The following THSD4 variants were observed in gnomAD, a reference collection of about 807,000 sequenced individuals.
THSD4 encodes thrombospondin type-1 domain-containing protein 4.
A neutral mutation model predicts 119.0 loss-of-function variants in THSD4; 69 were observed. That is an observed-to-expected ratio of 0.58 (90% confidence interval 0.48 to 0.71). THSD4 has a LOEUF of 0.71. THSD4 is among the 30% of genes least tolerant of loss of function. The pLI is 0.00. For missense variants in THSD4, 1,393 were observed against 1,391.1 expected, an observed-to-expected ratio of 1.00 and a Z score of -0.02; for synonymous variants, 524 against 540.4, an observed-to-expected ratio of 0.97 and a Z score of 0.42.
chr15:71,203,953 A>G (rs1416971877), intron 3 of THSD4, among the ~76,000 whole-genome samples: 1 of 152,178 alleles, frequency 6.6e-6, no homozygotes, highest in Non-Finnish European at 1.5e-5. Context: ...TTCTGCTAGA[A>G]GATTGCTGTT....
intron 6 of THSD4, among the ~76,000 whole-genome samples, chr15:71,271,734 C>G (rs80150816): frequency 1.2e-3 from 181 of 152,302 alleles, no homozygotes; most frequent in African/African-American, 4.2e-3. Context: ...CTGAAGGAGA[C>G]TTTTAGAGCT....
intron 7 of THSD4, among the ~76,000 whole-genome samples, chr15:71,579,397 A>G (rs976424659): frequency 6.6e-6 from 1 of 152,202 alleles, no homozygotes; most frequent in African/African-American, 2.4e-5. Context: ...TGCGTAGCAG[A>G]AGCCTATGGA....
chr15:71,546,511 C>T (rs1219714378), intron 7 of THSD4, among the ~76,000 whole-genome samples: 6 of 152,224 alleles, frequency 3.9e-5, no homozygotes. Flanking sequence ...TCAGAGGTAG[C>T]TCTTATTTCT....
intron 6 of THSD4, among the ~76,000 whole-genome samples, chr15:71,305,505 C>T (rs2045011850): frequency 6.6e-6 from 1 of 152,164 alleles, no homozygotes; most frequent in South Asian, 2.1e-4. Context: ...GAGCCAGACA[C>T]ATACAAGTTC....
At chr15:71,536,300 G>A (rs867736794) in intron 7 of THSD4, among the ~76,000 whole-genome samples, 1 of 152,244 alleles carries the variant, frequency 6.6e-6, no homozygotes, top group Admixed American at 6.5e-5. Flanking sequence ...TGGTTCCCAG[G>A]TCCCCTTCAT....
At chr15:71,149,914 A>G (rs1019790986) in intron 2 of THSD4, among the ~76,000 whole-genome samples, 6 of 152,296 alleles carry the variant, frequency 3.9e-5, no homozygotes, top group East Asian at 1.9e-4. Context: ...CCAAATTTCA[A>G]TGAGCATTAT....
At chr15:71,345,664 A>G (rs1443702222) in intron 6 of THSD4, among the ~76,000 whole-genome samples, 5 of 152,070 alleles carry the variant, frequency 3.3e-5, no homozygotes, top group South Asian at 4.2e-4. Flanking sequence ...GTGAATGTCT[A>G]TGTCAGGTGG....
chr15:71,122,520 G>C lies in THSD4; in HGVS notation c.-80+6822G>C, dbSNP rs114999383. ...CTCTTACAGGATGCTCTGTCTTCTTGGCCTCTTTCACATGAGCGCATATAC... is the reference window on the plus strand; with the variant it reads ...CTCTTACAGGATGCTCTGTCTTCTTCGCCTCTTTCACATGAGCGCATATAC... On this transcript the variant is annotated intron_variant, in intron 1 of 17. Transcript: ENST00000261862. Among the ~76,000 whole-genome samples, 141 of 152,246 alleles carry C rather than the reference G, an allele frequency of 9.3e-4. 1 individual carries two copies. Among genetic ancestry groups the C allele is most frequent in the African/African-American group, 3.3e-3 (137 of 41,538 alleles).
intron 6 of THSD4, chr15:71,342,192 T>G (rs1393993682): frequency 5.5e-6 from 1 of 182,520 alleles, no homozygotes; most frequent in African/African-American, 2.4e-5. Context: ...CTAAATCCCA[T>G]TTATTTCCTG....
At chr15:71,716,194 T>C (rs2052604279) in intron 8 of THSD4, among the ~76,000 whole-genome samples, 1 of 152,202 alleles carries the variant, frequency 6.6e-6, no homozygotes, top group Admixed American at 6.5e-5. Flanking sequence ...TCACATGGCA[T>C]TCTCACTGTG....
intron 6 of THSD4, among the ~76,000 whole-genome samples, chr15:71,377,941 C>A (rs2046171944): frequency 6.8e-6 from 1 of 147,520 alleles, no homozygotes; most frequent in African/African-American, 2.5e-5. Flanking sequence ...CTTCTGAAAG[C>A]CAACCTGAAA....
chr15:71,635,334 C>A (rs1352152064), intron 7 of THSD4, among the ~76,000 whole-genome samples: 1 of 150,806 alleles, frequency 6.6e-6, no homozygotes, highest in African/African-American at 2.4e-5. Flanking sequence ...CATAAACAAT[C>A]TCTGCCAAGC....
At chr15:71,653,935 C>CT (rs6145624) in intron 7 of THSD4, among the ~76,000 whole-genome samples, 1 of 151,988 alleles carries the variant, frequency 6.6e-6, no homozygotes, top group Admixed American at 6.6e-5. Context: ...GCACAGGACT[C>CT]GACATTTACA....
At chr15:71,301,467 A>G (rs991194688) in intron 6 of THSD4, among the ~76,000 whole-genome samples, 5 of 152,164 alleles carry the variant, frequency 3.3e-5, no homozygotes, top group African/African-American at 4.8e-5. Flanking sequence ...ATCTTTGAAC[A>G]TATACCGTTG....
intron 4 of THSD4, among the ~76,000 whole-genome samples, chr15:71,228,288 G>A (rs1488291661): frequency 6.6e-6 from 1 of 152,050 alleles, no homozygotes; most frequent in Non-Finnish European, 1.5e-5. Context: ...CTTGAAGACT[G>A]GAGTGATATA....
At chr15:71,754,952 T>TG (rs2053512947) in intron 14 of THSD4, among the ~76,000 whole-genome samples, 1 of 152,188 alleles carries the variant, frequency 6.6e-6, no homozygotes, top group Non-Finnish European at 1.5e-5. Context: ...AAGAAAAATA[T>TG]GGGGGAAATT....
At chr15:71,572,467 G>C (rs902907535) in intron 7 of THSD4, among the ~76,000 whole-genome samples, 2 of 152,158 alleles carry the variant, frequency 1.3e-5, no homozygotes, top group Non-Finnish European at 2.9e-5. Context: ...TGCATGCTGG[G>C]AACTGCACTG....
chr15:71,208,634 C>G (rs941710097), intron 3 of THSD4, among the ~76,000 whole-genome samples: 1 of 152,032 alleles, frequency 6.6e-6, no homozygotes, highest in African/African-American at 2.4e-5. Flanking sequence ...GCCTCACCCT[C>G]CTGAGTAGCT....
chr15:71,711,178 T>G (rs2052508073), intron 8 of THSD4, among the ~76,000 whole-genome samples: 1 of 151,152 alleles, frequency 6.6e-6, no homozygotes, highest in South Asian at 2.1e-4. Context: ...AGGGGAGACT[T>G]GAAGGACCTT....
Sources: allele counts gnomAD v4.1 joint callset (sites outside exome capture counted in the v4.1 genomes callset), GRCh38; gene constraint gnomAD v4.1.1; transcripts MANE v1.5; gene names NCBI Gene and HGNC (gene_info 2026-07-23, HGNC 2026-07-21).